SLC26A7: variants seen among roughly 807,000 people sequenced by gnomAD.
SLC26A7 encodes solute carrier family 26 member 7.
A neutral mutation model predicts 82.5 loss-of-function variants in SLC26A7; 59 were observed. The observed-to-expected ratio is 0.72, with a 90% confidence interval of 0.58 to 0.89. SLC26A7 has a LOEUF of 0.89. Among genes scored for constraint, SLC26A7 ranks in the 40% least tolerant of loss-of-function variants. The pLI is 0.00. For missense variants in SLC26A7, 820 were observed against 793.0 expected, an observed-to-expected ratio of 1.03 and a Z score of -0.41; for synonymous variants, 271 against 274.3, an observed-to-expected ratio of 0.99 and a Z score of 0.12.
intron 2 of SLC26A7, among the ~76,000 whole-genome samples, chr8:91,256,149 G>A (rs1810794805): frequency 6.6e-6 from 1 of 152,114 alleles, no homozygotes; most frequent in Non-Finnish European, 1.5e-5. Flanking sequence ...TTAAAAGAAT[G>A]CTAATACAAG....
chr8:91,301,167 T>C (rs967852632), intron 4 of SLC26A7, among the ~76,000 whole-genome samples: 2 of 152,214 alleles, frequency 1.3e-5, no homozygotes, highest in African/African-American at 2.4e-5. Context: ...TTTTGCATCA[T>C]TTTTCTTTAG....
intron 5 of SLC26A7, among the ~76,000 whole-genome samples, chr8:91,328,915 A>G (rs1412407698): frequency 6.6e-6 from 1 of 152,182 alleles, no homozygotes. Context: ...TATCATTATA[A>G]TAAATGGTAA....
At chr8:91,211,825 C>A (rs952810549) in intron 1 of SLC26A7, among the ~76,000 whole-genome samples, 6 of 151,662 alleles carry the variant, frequency 4.0e-5, no homozygotes, top group Non-Finnish European at 8.8e-5. Flanking sequence ...GGTTTACACT[C>A]AAAGGAGGGA....
intron 15 of SLC26A7, among the ~76,000 whole-genome samples, chr8:91,377,272 C>T (rs902699136): frequency 6.6e-6 from 1 of 152,140 alleles, no homozygotes; most frequent in African/African-American, 2.4e-5. Flanking sequence ...GATCACCTCT[C>T]CATGTCTATT....
At chr8:91,245,767 A>G (rs1452898700), upstream of SLC26A7, among the ~76,000 whole-genome samples, 2 of 152,118 alleles carry the variant, frequency 1.3e-5, no homozygotes, top group African/African-American at 4.8e-5. Flanking sequence ...ATTAAATGTG[A>G]TTCAGTTTAT....
chr8:91,295,857 A>G (rs899034166), intron 4 of SLC26A7, among the ~76,000 whole-genome samples, 154 bp downstream of exon 4: 8 of 152,198 alleles, frequency 5.3e-5, no homozygotes, highest in African/African-American at 1.4e-4. Context: ...GTTTAGAGTC[A>G]TTACTCTATA....
At chr8:91,261,122 G>A (rs1810952448) in intron 2 of SLC26A7, among the ~76,000 whole-genome samples, 2 of 152,078 alleles carry the variant, frequency 1.3e-5, no homozygotes, top group African/African-American at 4.8e-5. Context: ...TTTTTTATGT[G>A]TAATTCTTGG....
intron 6 of SLC26A7, among the ~76,000 whole-genome samples, chr8:91,336,515 C>T (rs574457858): frequency 2.0e-5 from 3 of 152,098 alleles, no homozygotes; most frequent in South Asian, 4.2e-4. Context: ...CCATCTCCCC[C>T]CTCCTCCCCC....
chr8:91,283,751 G>A (rs555177424), intron 2 of SLC26A7, among the ~76,000 whole-genome samples: 2 of 152,110 alleles, frequency 1.3e-5, no homozygotes, highest in East Asian at 3.9e-4. Flanking sequence ...CAACTCTCAG[G>A]TATTTAGAAG....
At chr8:91,317,683 T>C (rs1384123668) in intron 4 of SLC26A7, among the ~76,000 whole-genome samples, 1 of 152,174 alleles carries the variant, frequency 6.6e-6, no homozygotes, top group South Asian at 2.1e-4. Context: ...TTTGAGGTTT[T>C]ATGCCTACTG....
At chr8:91,224,998 C>T (rs1586303747) in intron 2 of SLC26A7, among the ~76,000 whole-genome samples, 1 of 152,298 alleles carries the variant, frequency 6.6e-6, no homozygotes, top group East Asian at 1.9e-4. Flanking sequence ...GCTGTGGGGA[C>T]AAGAATTGGG....
chr8:91,393,886 T>A, intron 17 of SLC26A7, 35 bp downstream of exon 17: 1 of 1,613,262 alleles, frequency 6.2e-7, no homozygotes, highest in Non-Finnish European at 8.5e-7. Flanking sequence ...TTGAATGTGA[T>A]TTTTCTGCAC....
intron 2 of SLC26A7, among the ~76,000 whole-genome samples, chr8:91,252,701 A>G (rs948025345): frequency 6.6e-6 from 1 of 152,092 alleles, no homozygotes; most frequent in Non-Finnish European, 1.5e-5. Context: ...ATTTTTAAAA[A>G]CCAGCCAGAT....
chr8:91,341,278 A>AT, intron 8 of SLC26A7, among the ~76,000 whole-genome samples: 1 of 151,918 alleles, frequency 6.6e-6, no homozygotes, highest in East Asian at 1.9e-4. Flanking sequence ...GAGAATGATG[A>AT]TTTCCAATTT....
At chr8:91,387,819 CT>C (rs1280917878) in intron 15 of SLC26A7, among the ~76,000 whole-genome samples, 1 of 152,142 alleles carries the variant, frequency 6.6e-6, no homozygotes, top group African/African-American at 2.4e-5. Flanking sequence ...TAAGACCTCA[CT>C]CATATTTGTT....
At chr8:91,268,345 T>TA (rs762705117) in intron 2 of SLC26A7, among the ~76,000 whole-genome samples, 7 of 151,908 alleles carry the variant, frequency 4.6e-5, no homozygotes, top group African/African-American at 7.2e-5. Flanking sequence ...TTGAAAAGGT[T>TA]ATAGCCTCTT....
intron 5 of SLC26A7, among the ~76,000 whole-genome samples, chr8:91,332,232 T>C (rs1002763937): frequency 2.8e-5 from 4 of 144,380 alleles, no homozygotes; most frequent in Admixed American, 1.4e-4. Flanking sequence ...AATATATATT[T>C]AATTAATATT....
chr8:91,361,754 C>T (rs1814055252), intron 11 of SLC26A7, among the ~76,000 whole-genome samples: 1 of 151,956 alleles, frequency 6.6e-6, no homozygotes, highest in Admixed American at 6.6e-5. Context: ...GAAATGTTCC[C>T]CAAAACTAAG....
In SLC26A7 at chr8:91,249,790, T is replaced by C. The variant is rs199782762; in HGVS notation, c.139T>C (p.Leu47=). ...ACCACATTACAATCTGAAAGAAAAC[T>C]TGCTTCCAGACACTGTGTCTGGGAT... ...WAPHYNLKEN[L]LPDTVSGIML... The change falls in exon 2 of 19, where the codon TTG becomes CTG. Residue 47 remains leucine, a synonymous_variant. Coordinates refer to ENST00000276609, the MANE Select transcript of SLC26A7 (RefSeq NM_052832.4). 6.2e-7 allele frequency: 1 copy of C among 1,611,980 alleles called. No individual in the cohort carries two copies. The highest frequency in any genetic ancestry group is 8.5e-7 in the Non-Finnish European group (1 of 1,179,060).
Sources: gnomAD v4.1 joint callset for allele counts (sites outside exome capture counted in the v4.1 genomes callset) on GRCh38, gnomAD v4.1.1 for gene constraint, MANE v1.5 for transcripts, NCBI Gene and HGNC (gene_info 2026-07-23, HGNC 2026-07-21) for gene names.